The following RNLS variants were observed in gnomAD, a reference collection of about 807,000 sequenced individuals.
RNLS encodes the protein renalase.
In RNLS, 39 loss-of-function variants were observed where a neutral mutation model predicts 39.8. The observed-to-expected ratio is 0.98, with a 90% confidence interval of 0.76 to 1.28. RNLS has a LOEUF of 1.28. Among genes scored for constraint, RNLS ranks in the 50% most tolerant of loss-of-function variants. The pLI, the probability that RNLS is intolerant of heterozygous loss-of-function variation, is 0.00. For synonymous variants in RNLS, 147 were observed against 150.7 expected, an observed-to-expected ratio of 0.98 and a Z score of 0.18; for missense variants, 410 against 413.3, an observed-to-expected ratio of 0.99 and a Z score of 0.07.
chr10:88,527,281 A>G (rs777176279), intron 4 of RNLS, among the ~76,000 whole-genome samples: 4 of 152,194 alleles, frequency 2.6e-5, no homozygotes, highest in South Asian at 2.1e-4. Context: ...CTAAAGGTCT[A>G]TCTCTGAGAA....
At chr10:88,177,037 C>T in the RNLS span, among the ~76,000 whole-genome samples, 2 of 152,202 alleles carry the variant, frequency 1.3e-5, no homozygotes, top group South Asian at 4.1e-4. Flanking sequence ...CTTTTGACAC[C>T]TTAGCTATAA....
intron 4 of RNLS, among the ~76,000 whole-genome samples, chr10:88,374,332 G>T (rs995751088): frequency 2.6e-5 from 4 of 152,016 alleles, no homozygotes; most frequent in Admixed American, 1.3e-4. Context: ...TATTAACAAG[G>T]TATCTGTTTT....
At chr10:88,369,971 C>A (rs1850417554) in intron 4 of RNLS, among the ~76,000 whole-genome samples, 1 of 152,158 alleles carries the variant, frequency 6.6e-6, no homozygotes, top group Non-Finnish European at 1.5e-5. Context: ...CAGGTGTGAG[C>A]CAGTGTGCCC....
chr10:88,263,175 T>C, the RNLS span, among the ~76,000 whole-genome samples: 1 of 151,954 alleles, frequency 6.6e-6, no homozygotes, highest in African/African-American at 2.4e-5. Context: ...GTAAACCCAA[T>C]AGATATTCAA....
chr10:88,521,162 C>A (rs1846702526), intron 4 of RNLS, among the ~76,000 whole-genome samples: 2 of 151,952 alleles, frequency 1.3e-5, no homozygotes, highest in Non-Finnish European at 2.9e-5. Flanking sequence ...AAGGTAGAAG[C>A]TTCTACCATG....
chr10:88,402,696 C>T (rs1589733189), intron 4 of RNLS, among the ~76,000 whole-genome samples: 2 of 151,972 alleles, frequency 1.3e-5, no homozygotes, highest in South Asian at 2.1e-4. Context: ...AGATGACATT[C>T]TATTTTATAG....
At chr10:88,224,517 C>G in the RNLS span, among the ~76,000 whole-genome samples, 83 of 152,286 alleles carry the variant, frequency 5.5e-4, no homozygotes, top group African/African-American at 1.9e-3. Context: ...CAAGATGCTG[C>G]CATGTTTTGG....
chr10:88,199,204 G>T, the RNLS span, among the ~76,000 whole-genome samples: 1 of 152,138 alleles, frequency 6.6e-6, no homozygotes, highest in Non-Finnish European at 1.5e-5. Context: ...GTGGAAGCCT[G>T]AACTAGTGGG....
chr10:88,490,094 T>G (rs79465642), intron 4 of RNLS, among the ~76,000 whole-genome samples: 1,869 of 152,282 alleles, frequency 0.012, 46 homozygotes, highest in African/African-American at 0.043. Context: ...AAAAATATGC[T>G]GTAAAATGCT....
At chr10:88,262,897 G>A in the RNLS span, among the ~76,000 whole-genome samples, 58 of 152,072 alleles carry the variant, frequency 3.8e-4, no homozygotes, top group African/African-American at 1.2e-3. Context: ...CTTCATTCTC[G>A]CCTCTATGGA....
At chr10:88,334,421 T>C (rs1266120598) in intron 5 of RNLS, among the ~76,000 whole-genome samples, 1 of 152,204 alleles carries the variant, frequency 6.6e-6, no homozygotes, top group Non-Finnish European at 1.5e-5. Flanking sequence ...ATTCAATCCA[T>C]GTAAAGTGAG....
intron 5 of RNLS, among the ~76,000 whole-genome samples, chr10:88,352,096 T>G (rs977057312): frequency 7.2e-5 from 11 of 152,218 alleles, no homozygotes; most frequent in Non-Finnish European, 1.5e-4. Flanking sequence ...AAGGAGATTT[T>G]GTGGTGAGAT....
At chr10:88,429,170 G>A (rs953634593) in intron 4 of RNLS, among the ~76,000 whole-genome samples, 1 of 151,874 alleles carries the variant, frequency 6.6e-6, no homozygotes, top group African/African-American at 2.4e-5. Context: ...CTGGGTTGGA[G>A]CCAGGGCCGC....
At chr10:88,472,748 G>C (rs560650848) in intron 4 of RNLS, among the ~76,000 whole-genome samples, 4 of 152,042 alleles carry the variant, frequency 2.6e-5, no homozygotes, top group Admixed American at 6.6e-5. Context: ...CATCACCTGG[G>C]GGAGCTTGTT....
At chr10:88,558,539 GAAGT>G (rs925100637) in intron 4 of RNLS, among the ~76,000 whole-genome samples, 24 of 152,108 alleles carry the variant, frequency 1.6e-4, no homozygotes, top group African/African-American at 5.8e-4. Flanking sequence ...GCCAGGAGCA[GAAGT>G]GAGTAATAAC....
intron 4 of RNLS, among the ~76,000 whole-genome samples, chr10:88,509,594 C>T (rs1040283208): frequency 6.6e-6 from 1 of 151,560 alleles, no homozygotes; most frequent in Middle Eastern, 3.2e-3. Context: ...TTTAAAAATG[C>T]CACAAAATGG....
chr10:88,551,759 G>C (rs970513030), intron 4 of RNLS, among the ~76,000 whole-genome samples: 8 of 152,006 alleles, frequency 5.3e-5, no homozygotes, highest in African/African-American at 1.9e-4. Flanking sequence ...TGCAGGGTTA[G>C]AAGGTCACTT....
rs571506179 is a variant in RNLS at position 88,572,749 on chromosome 10, A to T, written c.526+154T>A. Among the ~76,000 whole-genome samples, 17 of 152,362 alleles carry T rather than the reference A, an allele frequency of 1.1e-4. No homozygotes were observed. In the South Asian group the frequency reaches 1.2e-3, roughly 11 times the overall value. ...TATGGGTTTCACCTTGGCCTAGATT[A>T]ATATCATGACGACGGCCGTAAGTAT... On this transcript the variant is annotated intron_variant, in intron 4 of 6. Coordinates refer to ENST00000331772, the MANE Select transcript of RNLS (RefSeq NM_001031709.3).
chr10:88,362,514 T>C (rs376118669), intron 5 of RNLS, 38 bp downstream of exon 5: 10 of 1,574,144 alleles, frequency 6.4e-6, no homozygotes, highest in South Asian at 2.3e-5. Flanking sequence ...ACACCCACCA[T>C]TGTTGCTGTA....
Sources: allele counts gnomAD v4.1 joint callset (sites outside exome capture counted in the v4.1 genomes callset), GRCh38; gene constraint gnomAD v4.1.1; transcripts MANE v1.5; gene names NCBI Gene and HGNC (gene_info 2026-07-23, HGNC 2026-07-21).